Variants in TRDMT1 observed in about 807,000 individuals in gnomAD.
The protein encoded by TRDMT1 is tRNA (cytosine(38)-C(5))-methyltransferase.
A neutral mutation model predicts 51.2 loss-of-function variants in TRDMT1; 49 were observed. That is an observed-to-expected ratio of 0.96 (90% confidence interval 0.76 to 1.21). TRDMT1 has a LOEUF of 1.21. Among genes scored for constraint, TRDMT1 ranks in the 50% most tolerant of loss-of-function variants. The probability of loss-of-function intolerance (pLI) is 0.00; values close to 1 mark genes in which losing one functional copy is unlikely to be tolerated. For missense variants in TRDMT1, 534 were observed against 462.3 expected (o/e 1.16, Z -1.42); for synonymous variants, 187 against 164.6 (o/e 1.14, Z -1.04).
rs1837727826 is a variant in TRDMT1 at position 17,141,979 on chromosome 10, T to C, written c.*7061A>G. Among the ~76,000 whole-genome samples, 1 of 152,262 alleles carries C rather than the reference T, an allele frequency of 6.6e-6. No homozygotes were observed. Reference sequence around the variant, plus strand: ...ACATAACTGCCATTTATTTCTATTCTTAAAAATTGGCATATAGTGCACCTA... The same window carrying C: ...ACATAACTGCCATTTATTTCTATTCCTAAAAATTGGCATATAGTGCACCTA... On this transcript the variant is annotated 3_prime_UTR_variant, in exon 11 of 11. Transcript: ENST00000377799.
At chr10:17,172,717 T>C (rs1488113397) in intron 2 of TRDMT1, among the ~76,000 whole-genome samples, 1 of 152,158 alleles carries the variant, frequency 6.6e-6, no homozygotes, top group Non-Finnish European at 1.5e-5. Flanking sequence ...TAGATAAATA[T>C]AAAAGACTTT....
chr10:17,188,521 G>C (rs1844246966), intron 1 of TRDMT1, among the ~76,000 whole-genome samples: 1 of 152,124 alleles, frequency 6.6e-6, no homozygotes, highest in Non-Finnish European at 1.5e-5. Context: ...TGCTCCCACA[G>C]AGCTTCACAC....
In TRDMT1 at chr10:17,139,798, G is replaced by A. The variant is rs1051689936; in HGVS notation, c.*9242C>T. 2.0e-5 allele frequency among the ~76,000 whole-genome samples: 3 copies of A among 152,114 alleles called. No individual in the cohort carries two copies. The highest frequency in any genetic ancestry group is 4.4e-5 in the Non-Finnish European group (3 of 68,026). On this transcript the variant is annotated 3_prime_UTR_variant, in exon 11 of 11. Transcript: ENST00000377799. ...AAGATTTAAGGTGTTGTCATCAATGGCAGAAAGGATGAGATGACCTCACTT... is the reference window on the plus strand; with the variant it reads ...AAGATTTAAGGTGTTGTCATCAATGACAGAAAGGATGAGATGACCTCACTT...
At chr10:17,151,872 TC>T in intron 10 of TRDMT1, 1 of 1,047,310 alleles carries the variant, frequency 9.5e-7, no homozygotes, top group Non-Finnish European at 1.2e-6. Flanking sequence ...GTTATGATCA[TC>T]CTCATTTTAC....
chr10:17,177,180 TTTTATTTA>T (rs60893968), intron 1 of TRDMT1, among the ~76,000 whole-genome samples: 1,612 of 141,536 alleles, frequency 0.011, 32 homozygotes, highest in African/African-American at 0.04. Flanking sequence ...AACACATTTA[TTTTATTTA>T]TTTATTTATT....
In TRDMT1 at chr10:17,140,764, T is replaced by C. The variant is rs1163895868; in HGVS notation, c.*8276A>G. Among the ~76,000 whole-genome samples, 1 of 152,026 alleles carries C rather than the reference T, an allele frequency of 6.6e-6. No individual in the cohort carries two copies. Among genetic ancestry groups the C allele is most frequent in the Non-Finnish European group, 1.5e-5 (1 of 67,996 alleles). ...AAAGATCACATTCAATTGAAAAATATAAACAAGAAAAATTAAAATGCTATT... is the reference window on the plus strand; with the variant it reads ...AAAGATCACATTCAATTGAAAAATACAAACAAGAAAAATTAAAATGCTATT... On this transcript the variant is annotated 3_prime_UTR_variant, in exon 11 of 11. Coordinates refer to ENST00000377799, the MANE Select transcript of TRDMT1 (RefSeq NM_004412.7).
rs1171706223 is a variant in TRDMT1, at chr10:17,143,487, T to C, written c.*5553A>G. 1.0e-6 allele frequency: 1 copy of C among 985,344 alleles called. No individual in the cohort carries two copies. Among genetic ancestry groups the C allele is most frequent in the Non-Finnish European group, 1.2e-6 (1 of 829,950 alleles). 61.0% of individuals were successfully genotyped at this position (985,344 alleles called of 1,614,324 possible). ...ATCACATTCCATTCAGTGTTTTCAGTCATTTTTTTCACATGTGAAATTTAA... is the reference window on the plus strand; with the variant it reads ...ATCACATTCCATTCAGTGTTTTCAGCCATTTTTTTCACATGTGAAATTTAA... On this transcript the variant is annotated 3_prime_UTR_variant, in exon 11 of 11. Coordinates refer to ENST00000377799, the MANE Select transcript of TRDMT1 (RefSeq NM_004412.7).
intron 1 of TRDMT1, among the ~76,000 whole-genome samples, chr10:17,196,107 C>T (rs1287140964): frequency 6.6e-6 from 1 of 152,182 alleles, no homozygotes; most frequent in Non-Finnish European, 1.5e-5. Context: ...CCCAAGTTGG[C>T]ATGTAAGTCG....
chr10:17,197,221 T>A (rs1465279113), intron 1 of TRDMT1, among the ~76,000 whole-genome samples: 1 of 152,190 alleles, frequency 6.6e-6, no homozygotes, highest in Admixed American at 6.5e-5. Flanking sequence ...TAAACCTTCA[T>A]CATTTGATAA....
chr10:17,201,641 G>C lies in TRDMT1; in HGVS notation c.-7C>G, dbSNP rs1294097103. On this transcript the variant is annotated 5_prime_UTR_variant, in exon 1 of 11. Coordinates refer to ENST00000377799, the MANE Select transcript of TRDMT1 (RefSeq NM_004412.7). ...GCACCCGCAGGGGCTCCATCCCCGC[G>C]CCTCAGCCGCCGCAGCCCCGGAGCT... 1.3e-6 allele frequency: 2 copies of C among 1,540,078 alleles called. No individual in the cohort carries two copies. The highest frequency in any genetic ancestry group is 1.8e-4 in the Middle Eastern group (1 of 5,446).
intron 3 of TRDMT1, 59 bp from the exon 4 acceptor site, chr10:17,162,296 G>T: frequency 1.4e-6 from 2 of 1,454,284 alleles, no homozygotes; most frequent in South Asian, 1.3e-5. Context: ...TTAAGAATCT[G>T]ATAAAAAGAT....
Position 17,145,217 on chromosome 10 carries a change from A to T in TRDMT1, c.*3823T>A. The T allele has an allele frequency of 1.1e-6, 1 of 887,862 alleles. No homozygotes were observed. The highest frequency in any genetic ancestry group is 1.3e-6 in the Non-Finnish European group (1 of 740,964). The allele number at this position is 887,862 out of a possible 1,614,324, so 55.0% of individuals were successfully genotyped here. A position where few individuals can be genotyped will look rare whatever the true frequency, so the allele number is the denominator to read the frequency against. On this transcript the variant is annotated 3_prime_UTR_variant, in exon 11 of 11. Coordinates refer to ENST00000377799, the MANE Select transcript of TRDMT1 (RefSeq NM_004412.7). ...AGCCGAGATCACGCCACTGCACTCCAGCCTAGGCAACAGAGCGAGACTCAG... is the reference window on the plus strand; with the variant it reads ...AGCCGAGATCACGCCACTGCACTCCTGCCTAGGCAACAGAGCGAGACTCAG...
intron 1 of TRDMT1, among the ~76,000 whole-genome samples, chr10:17,183,854 T>C (rs1843577330): frequency 6.6e-6 from 1 of 152,150 alleles, no homozygotes; most frequent in Non-Finnish European, 1.5e-5. Flanking sequence ...ACAAGAAAGG[T>C]TTGGCTCTTT....
Position 17,143,696 on chromosome 10 carries a change from G to A in TRDMT1, c.*5344C>T. ...TTTAAATCTCAGTGACTTTTTATAAGTTTTCCTAAAAATAAATGATCGTTC... is the reference window on the plus strand; with the variant it reads ...TTTAAATCTCAGTGACTTTTTATAAATTTTCCTAAAAATAAATGATCGTTC... On this transcript the variant is annotated 3_prime_UTR_variant, in exon 11 of 11. Coordinates refer to ENST00000377799, the MANE Select transcript of TRDMT1 (RefSeq NM_004412.7). 3 of 985,378 alleles carry A rather than the reference G, an allele frequency of 3.0e-6. No homozygotes were observed. The highest frequency in any genetic ancestry group is 5.2e-4 in the Middle Eastern group (1 of 1,914). The allele number at this position is 985,378 out of a possible 1,614,324, so 61.0% of individuals were successfully genotyped here.
At chr10:17,165,904 C>T (rs1367532285) in intron 3 of TRDMT1, among the ~76,000 whole-genome samples, 1 of 152,174 alleles carries the variant, frequency 6.6e-6, no homozygotes, top group East Asian at 1.9e-4. Flanking sequence ...GAAATAGGAA[C>T]ACTTTTACAC....
chr10:17,195,005 T>C (rs887624042), intron 1 of TRDMT1, among the ~76,000 whole-genome samples: 3 of 147,858 alleles, frequency 2.0e-5, no homozygotes, highest in African/African-American at 5.0e-5. Context: ...GGAACCCTTA[T>C]GCACTGTTGA....
intron 6 of TRDMT1, 48 bp downstream of exon 6, chr10:17,160,257 A>T (rs760801922): frequency 8.0e-7 from 1 of 1,256,468 alleles, no homozygotes; most frequent in Non-Finnish European, 1.1e-6. Flanking sequence ...TGGGAAAAAA[A>T]GCCTTTAAAT....
At chr10:17,158,570 G>C (rs1839880040) in intron 7 of TRDMT1, among the ~76,000 whole-genome samples, 1 of 152,078 alleles carries the variant, frequency 6.6e-6, no homozygotes, top group South Asian at 2.1e-4. Context: ...TCGCCGAAAT[G>C]CTGAAACTCA....
Position 17,162,226 on chromosome 10 carries a change from T to G in TRDMT1, c.263A>C (p.Gln88Pro). Residue 88 changes from glutamine to proline, a missense_variant, in exon 4 of 11, where the codon CAG becomes CCG. Physicochemically the swap from Gln to Pro is moderately conservative, Grantham distance 76 (BLOSUM62 -1). Transcript: ENST00000377799. ...PCQPFTRIGRQGDMTDSRTNS... is the reference protein window; with the variant it reads ...PCQPFTRIGRPGDMTDSRTNS... ...CGTCCTTGAATCAGTCATATCACCC[T>G]GCCGGCCAATCCTAAAGGGGTAAAA... is the stretch of plus-strand genomic sequence containing the variant. 1.3e-6 allele frequency: 2 copies of G among 1,592,812 alleles called. No homozygotes were observed. The highest frequency in any genetic ancestry group is 1.4e-5 in the African/African-American group (1 of 69,890).
Sources: allele counts gnomAD v4.1 joint callset (sites outside exome capture counted in the v4.1 genomes callset), GRCh38; gene constraint gnomAD v4.1.1; transcripts MANE v1.5; gene names NCBI Gene and HGNC (gene_info 2026-07-23, HGNC 2026-07-21).